VPS53: variants seen among roughly 807,000 people sequenced by gnomAD.
VPS53 encodes the protein vacuolar protein sorting-associated protein 53 homolog.
In VPS53, 70 loss-of-function variants were observed where a neutral mutation model predicts 107.0. That is an observed-to-expected ratio of 0.65 (90% CI 0.54 to 0.80). The LOEUF is 0.80. Ranked by LOEUF, VPS53 falls within the 30% of genes least tolerant of loss-of-function variation. The probability of loss-of-function intolerance (pLI) is 0.00; values close to 1 mark genes in which losing one functional copy is unlikely to be tolerated. For synonymous variants in VPS53, 409 were observed against 393.3 expected (o/e 1.04, Z -0.47); for missense variants, 917 against 1,049.4 (o/e 0.87, Z 1.74).
At chr17:522,840 C>T (rs1908854776) in intron 19 of VPS53, 1 of 152,218 alleles carries the variant, frequency 6.6e-6, no homozygotes, top group African/African-American at 2.4e-5. Flanking sequence ...CACATTTAAT[C>T]TGAGTAAAGC....
chr17:693,484 G>A (rs972894223), intron 4 of VPS53, among the ~76,000 whole-genome samples: 1 of 152,198 alleles, frequency 6.6e-6, no homozygotes, highest in Non-Finnish European at 1.5e-5. Context: ...CATTTTGGGA[G>A]CCCAAGGCAG....
At chr17:576,655 C>T (rs1356238081) in intron 13 of VPS53, among the ~76,000 whole-genome samples, 1 of 151,126 alleles carries the variant, frequency 6.6e-6, no homozygotes, top group African/African-American at 2.4e-5. Flanking sequence ...GAATCTAATG[C>T]GTTCCCAGAA....
chr17:654,025 C>T (rs941431626), intron 6 of VPS53, among the ~76,000 whole-genome samples: 1 of 152,108 alleles, frequency 6.6e-6, no homozygotes, highest in Non-Finnish European at 1.5e-5. Context: ...GAAACACCGT[C>T]TCTACTAAAA....
intron 17 of VPS53, among the ~76,000 whole-genome samples, chr17:548,915 G>A (rs1034641875): frequency 1.8e-4 from 28 of 152,150 alleles, no homozygotes; most frequent in Admixed American, 5.2e-4. Context: ...ACTTCCTTAC[G>A]AGGGCCTTCT....
At chr17:576,080 G>C (rs35900256) in intron 13 of VPS53, among the ~76,000 whole-genome samples, 26,752 of 147,638 alleles carry the variant, frequency 0.18, 2,706 homozygotes, top group Admixed American at 0.3. Context: ...GACCAAATGA[G>C]TTCCGAAAAA....
chr17:534,933 A>AAC (rs1555548038), intron 18 of VPS53, among the ~76,000 whole-genome samples: 4 of 151,246 alleles, frequency 2.6e-5, no homozygotes, highest in Admixed American at 1.3e-4. Flanking sequence ...AAAAAAAAAA[A>AAC]ACCTTTGGCT....
At position 518,845 on chromosome 17, in the gene VPS53, C is replaced by T. The variant is rs916468647; in HGVS notation, c.*283G>A. 4.1e-5 allele frequency: 10 copies of T among 246,282 alleles called. No homozygotes were observed. Among genetic ancestry groups the T allele is most frequent in the Non-Finnish European group, 6.9e-5 (9 of 129,762 alleles). 15.3% of individuals were successfully genotyped at this position (246,282 alleles called of 1,614,324 possible). On this transcript the variant is annotated 3_prime_UTR_variant, in exon 22 of 22. Coordinates refer to ENST00000437048, the MANE Select transcript of VPS53 (RefSeq NM_001128159.3). ...GGGTGTGACTGCCATGGGGAGGCTA[C>T]ATGAGTCAAGGGCAGCTCAGGGACC...
chr17:518,495 T>C lies in VPS53; in HGVS notation c.*633A>G, dbSNP rs1228718642. On this transcript the variant is annotated 3_prime_UTR_variant, in exon 22 of 22. Coordinates refer to ENST00000437048, the MANE Select transcript of VPS53 (RefSeq NM_001128159.3). ...GTGGGCAGAAAGGGGTTTGAGAGTA[T>C]GGACTTCCTGGGCGTTCCCATGGCT... 6.6e-6 allele frequency: 1 copy of C among 152,072 alleles called. No individual in the cohort carries two copies. The highest frequency in any genetic ancestry group is 2.4e-5 in the African/African-American group (1 of 41,410). The allele number at this position is 152,072 out of a possible 1,614,324, so 9.4% of individuals were successfully genotyped here.
intron 10 of VPS53, among the ~76,000 whole-genome samples, chr17:626,727 GA>G (rs1344559055): frequency 6.6e-6 from 1 of 152,124 alleles, no homozygotes; most frequent in African/African-American, 2.4e-5. Flanking sequence ...TTGGGAGTGG[GA>G]AATTCATTCA....
intron 4 of VPS53, among the ~76,000 whole-genome samples, chr17:672,415 A>G (rs1257939661): frequency 6.6e-6 from 1 of 152,218 alleles, no homozygotes; most frequent in Non-Finnish European, 1.5e-5. Context: ...TAAAGCACTC[A>G]GCTCACAGAA....
At chr17:700,068 T>G (rs1456886057) in intron 2 of VPS53, among the ~76,000 whole-genome samples, 4 of 152,190 alleles carry the variant, frequency 2.6e-5, no homozygotes, top group Non-Finnish European at 5.9e-5. Context: ...TTAAGATTTG[T>G]GTACTCCTCT....
At chr17:601,289 AG>A (rs771684245) in intron 12 of VPS53, among the ~76,000 whole-genome samples, 7 of 152,242 alleles carry the variant, frequency 4.6e-5, no homozygotes, top group Non-Finnish European at 8.8e-5. Flanking sequence ...TTAAAGTGTT[AG>A]TGTGCTCTGA....
At chr17:656,053 G>C in intron 5 of VPS53, 100 bp from the exon 6 acceptor site, 2 of 829,626 alleles carry the variant, frequency 2.4e-6, no homozygotes, top group South Asian at 1.9e-5. Flanking sequence ...AGATGAAGCA[G>C]GGAAAAATCT....
intron 5 of VPS53, chr17:656,732 T>TGTGTGTGTGTGTG (rs2143540805): frequency 1.4e-6 from 1 of 698,600 alleles, no homozygotes; most frequent in South Asian, 1.6e-5. Context: ...GTGTGTGTGT[T>TGTGTGTGTGTGTG]TTATCATGCC....
At chr17:526,296 C>T (rs570309301) in intron 19 of VPS53, among the ~76,000 whole-genome samples, 10 of 152,232 alleles carry the variant, frequency 6.6e-5, no homozygotes, top group African/African-American at 2.4e-4. Context: ...CCCAGAGATA[C>T]ATTATATGCA....
At chr17:645,807 C>T (rs1215989810) in intron 7 of VPS53, among the ~76,000 whole-genome samples, 1 of 147,356 alleles carries the variant, frequency 6.8e-6, no homozygotes, top group Non-Finnish European at 1.5e-5. Flanking sequence ...CCACTGCCTC[C>T]TAAGGGTCTT....
At chr17:709,780 C>A (rs529521321) in intron 2 of VPS53, among the ~76,000 whole-genome samples, 1 of 152,298 alleles carries the variant, frequency 6.6e-6, no homozygotes, top group African/African-American at 2.4e-5. Context: ...CACCCAAAAA[C>A]CAATTTTGTA....
At chr17:634,396 A>AT (rs771297757) in intron 7 of VPS53, among the ~76,000 whole-genome samples, 1 of 151,026 alleles carries the variant, frequency 6.6e-6, no homozygotes, top group Non-Finnish European at 1.5e-5. Context: ...TGTACACCTT[A>AT]TTTTTTTTTA....
At chr17:690,815 T>C (rs761315372) in intron 4 of VPS53, among the ~76,000 whole-genome samples, 1 of 152,134 alleles carries the variant, frequency 6.6e-6, no homozygotes, top group Non-Finnish European at 1.5e-5. Flanking sequence ...GGAAGAACAG[T>C]GTCTAAAATC....
Sources: gnomAD v4.1 joint callset for allele counts (sites outside exome capture counted in the v4.1 genomes callset) on GRCh38, gnomAD v4.1.1 for gene constraint, MANE v1.5 for transcripts, NCBI Gene and HGNC (gene_info 2026-07-23, HGNC 2026-07-21) for gene names.